Variants in FSTL5 observed in about 807,000 individuals in gnomAD.
FSTL5 encodes the protein follistatin-related protein 5.
A neutral mutation model predicts 89.1 loss-of-function variants in FSTL5; 62 were observed. The ratio of observed to expected loss-of-function variants is 0.70; its 90% CI spans 0.57 to 0.86. The LOEUF (loss-of-function observed/expected upper bound fraction) is 0.86. Ranked by LOEUF, FSTL5 falls within the 40% of genes least tolerant of loss-of-function variation. The pLI is 0.00. For synonymous variants in FSTL5, 383 were observed against 346.2 expected (o/e 1.11, Z -1.18); for missense variants, 1,057 against 1,001.6 (o/e 1.06, Z -0.75).
chr4:161,776,277 G>A (rs944636132), intron 4 of FSTL5, among the ~76,000 whole-genome samples: 5 of 151,994 alleles, frequency 3.3e-5, no homozygotes, highest in Admixed American at 6.6e-5. Context: ...TATCAAATCT[G>A]ATAACAACAT....
intron 10 of FSTL5, among the ~76,000 whole-genome samples, chr4:161,518,932 C>T (rs886505209): frequency 6.6e-6 from 1 of 152,260 alleles, no homozygotes. Context: ...TTAAGGTGCT[C>T]ATTTATATGG....
rs150597621 is a variant in FSTL5, at chr4:161,675,918, G to A, written c.728-19424C>T. The stretch of plus-strand genomic sequence containing the variant: ...AACTGCATGAATTATTATTATAAAT[G>A]AGATATTACCTTGCAATGTGGCATA... On this transcript the variant is annotated intron_variant, in intron 6 of 15. Coordinates refer to ENST00000306100, the MANE Select transcript of FSTL5 (RefSeq NM_020116.5). Among the ~76,000 whole-genome samples, 907 of 152,094 alleles carry A rather than the reference G, an allele frequency of 6.0e-3. 9 individuals are homozygous for A. Among genetic ancestry groups the A allele is most frequent in the South Asian group, 0.045 (219 of 4,830 alleles).
intron 4 of FSTL5, among the ~76,000 whole-genome samples, chr4:161,913,874 G>C (rs944408372): frequency 5.9e-5 from 9 of 152,134 alleles, no homozygotes; most frequent in South Asian, 4.1e-4. Context: ...GAAGTAATTA[G>C]CTTGCTTTTG....
chr4:161,807,077 G>T (rs1371458956), intron 4 of FSTL5, among the ~76,000 whole-genome samples: 3 of 149,942 alleles, frequency 2.0e-5, no homozygotes, highest in African/African-American at 7.4e-5. Flanking sequence ...ACAATAAGAG[G>T]TACTCTAAAA....
chr4:161,850,712 A>G (rs1731521828), intron 4 of FSTL5, among the ~76,000 whole-genome samples: 1 of 152,204 alleles, frequency 6.6e-6, no homozygotes, highest in African/African-American at 2.4e-5. Context: ...TTCAAGGATT[A>G]AGTTATAAAA....
chr4:161,804,458 T>C (rs1228790454), intron 4 of FSTL5, among the ~76,000 whole-genome samples: 1 of 152,018 alleles, frequency 6.6e-6, no homozygotes, highest in Non-Finnish European at 1.5e-5. Context: ...AGTTAAACAC[T>C]GATGTTCCTT....
At chr4:161,522,088 C>G (rs1258824638) in intron 10 of FSTL5, among the ~76,000 whole-genome samples, 2 of 151,986 alleles carry the variant, frequency 1.3e-5, no homozygotes, top group Non-Finnish European at 2.9e-5. Flanking sequence ...CACCCCCATA[C>G]AAGAAGGTTA....
At chr4:161,480,987 A>T (rs767281636) in intron 13 of FSTL5, 33 bp downstream of exon 13, 67 of 1,464,218 alleles carry the variant, frequency 4.6e-5, no homozygotes, top group Non-Finnish European at 5.3e-5. Flanking sequence ...TTTTTTAAAG[A>T]TTTACTTTTT....
At chr4:162,078,573 TTAC>T (rs1729963661) in intron 2 of FSTL5, among the ~76,000 whole-genome samples, 1 of 151,796 alleles carries the variant, frequency 6.6e-6, no homozygotes, top group African/African-American at 2.4e-5. Context: ...GTATTTCTCA[TTAC>T]TACATTAATA....
chr4:161,994,201 C>T (rs536580063), intron 3 of FSTL5, among the ~76,000 whole-genome samples: 6 of 152,130 alleles, frequency 3.9e-5, no homozygotes, highest in South Asian at 4.1e-4. Flanking sequence ...ACTCCATCCA[C>T]GTTCCTGCAA....
chr4:161,922,008 A>C (rs1265236981), intron 3 of FSTL5, among the ~76,000 whole-genome samples: 1 of 152,090 alleles, frequency 6.6e-6, no homozygotes, highest in African/African-American at 2.4e-5. Flanking sequence ...AAGCTCATAC[A>C]TTAATTTTAT....
chr4:162,054,640 TC>T (rs1342952347), intron 2 of FSTL5, among the ~76,000 whole-genome samples: 29 of 152,036 alleles, frequency 1.9e-4, no homozygotes, highest in Non-Finnish European at 4.0e-4. Context: ...CACTCTCTTT[TC>T]TTAGAGCATT....
chr4:161,499,733 C>T (rs1730228638), intron 12 of FSTL5, among the ~76,000 whole-genome samples: 1 of 152,070 alleles, frequency 6.6e-6, no homozygotes, highest in Non-Finnish European at 1.5e-5. Context: ...GCAGGCAAAG[C>T]TATTGCAGGT....
chr4:161,836,796 AAG>A (rs1731058471), intron 4 of FSTL5, among the ~76,000 whole-genome samples: 1 of 152,090 alleles, frequency 6.6e-6, no homozygotes, highest in Non-Finnish European at 1.5e-5. Flanking sequence ...AGATGCAAAA[AAG>A]GAGATATATG....
intron 4 of FSTL5, among the ~76,000 whole-genome samples, chr4:161,813,055 C>G (rs1489264309): frequency 4.7e-5 from 7 of 147,550 alleles, no homozygotes; most frequent in Non-Finnish European, 1.0e-4. Context: ...GAGGCAGAGT[C>G]TCGCGCTGTT....
intron 13 of FSTL5, among the ~76,000 whole-genome samples, chr4:161,472,795 G>T (rs80342808): frequency 6.6e-6 from 1 of 151,224 alleles, no homozygotes; most frequent in East Asian, 2.0e-4. Context: ...CATGATCTCG[G>T]CTCACTGCAA....
At position 161,686,801 on chromosome 4, in the gene FSTL5, G is replaced by A. The variant is rs545150646; in HGVS notation, c.728-30307C>T. On this transcript the variant is annotated intron_variant, in intron 6 of 15. Coordinates refer to ENST00000306100, the MANE Select transcript of FSTL5 (RefSeq NM_020116.5). ...CTAAATTGTAACTTGTGTGCAATAGGCACACTTTTAAATAAAATTATTTTA... is the reference window on the plus strand; with the variant it reads ...CTAAATTGTAACTTGTGTGCAATAGACACACTTTTAAATAAAATTATTTTA... Among the ~76,000 whole-genome samples, 242 of 151,912 alleles carry A rather than the reference G, an allele frequency of 1.6e-3. 1 individual carries two copies. The highest frequency in any genetic ancestry group is 1.5e-3 in the Non-Finnish European group (102 of 67,988).
intron 10 of FSTL5, among the ~76,000 whole-genome samples, chr4:161,515,474 TG>T (rs1419726705): frequency 1.3e-5 from 2 of 152,072 alleles, no homozygotes; most frequent in African/African-American, 4.8e-5. Context: ...CCCAGAGTGC[TG>T]GGATTACAAG....
chr4:162,083,106 A>T (rs1730167580), intron 2 of FSTL5, among the ~76,000 whole-genome samples: 1 of 151,760 alleles, frequency 6.6e-6, no homozygotes. Context: ...AAAATAGTTT[A>T]TAATAAGAAT....
Sources: gnomAD v4.1 joint callset for allele counts (sites outside exome capture counted in the v4.1 genomes callset) on GRCh38, gnomAD v4.1.1 for gene constraint, MANE v1.5 for transcripts, NCBI Gene and HGNC (gene_info 2026-07-23, HGNC 2026-07-21) for gene names.